The following SGCZ variants were observed in gnomAD, a reference collection of about 807,000 sequenced individuals.
The protein encoded by SGCZ is zeta-sarcoglycan.
SGCZ carries 40 observed loss-of-function variants against 41.3 expected under a neutral mutation model. That is an observed-to-expected ratio of 0.97 (90% CI 0.75 to 1.26). The LOEUF (loss-of-function observed/expected upper bound fraction) is 1.26, where lower values mean the gene tolerates loss of function less well. Among genes scored for constraint, SGCZ ranks in the 50% most tolerant of loss-of-function variants. The probability of loss-of-function intolerance (pLI) is 0.00; values close to 1 mark genes in which losing one functional copy is unlikely to be tolerated. For missense variants in SGCZ, 552 were observed against 369.8 expected (o/e 1.49, Z -4.04); for synonymous variants, 206 against 137.5 (o/e 1.50, Z -3.49).
chr8:15,076,791 C>T (rs562596754), intron 1 of SGCZ, among the ~76,000 whole-genome samples: 1 of 149,094 alleles, frequency 6.7e-6, no homozygotes, highest in Non-Finnish European at 1.5e-5. Context: ...TTTCTCTGCA[C>T]ACCGCCTCCC....
intron 1 of SGCZ, among the ~76,000 whole-genome samples, chr8:14,738,459 T>C (rs1041642066): frequency 9.9e-5 from 15 of 152,136 alleles, no homozygotes; most frequent in African/African-American, 3.6e-4. Context: ...AAAAAGTTTT[T>C]AATTTTTCTT....
At chr8:14,293,701 T>C (rs1231820860) in intron 3 of SGCZ, among the ~76,000 whole-genome samples, 1 of 151,936 alleles carries the variant, frequency 6.6e-6, no homozygotes, top group Admixed American at 6.6e-5. Flanking sequence ...CATGAAATTA[T>C]GTTAAATTAC....
chr8:14,981,249 C>T (rs1024231014), intron 1 of SGCZ, among the ~76,000 whole-genome samples: 2 of 152,186 alleles, frequency 1.3e-5, no homozygotes, highest in African/African-American at 4.8e-5. Flanking sequence ...ATTAACTCAG[C>T]TTTAAAGTAA....
intron 1 of SGCZ, among the ~76,000 whole-genome samples, chr8:14,970,046 TAC>T (rs1424940592): frequency 1.3e-5 from 2 of 152,154 alleles, no homozygotes; most frequent in East Asian, 1.9e-4. Context: ...GTCATTCTCA[TAC>T]AGTCATTTTA....
chr8:15,064,983 C>T (rs1201093969), intron 1 of SGCZ, among the ~76,000 whole-genome samples: 1 of 152,100 alleles, frequency 6.6e-6, no homozygotes, highest in Non-Finnish European at 1.5e-5. Context: ...TCCAGAGCCT[C>T]CATCCCAAGT....
chr8:14,762,759 T>A (rs548967847), intron 1 of SGCZ, among the ~76,000 whole-genome samples: 1 of 152,366 alleles, frequency 6.6e-6, no homozygotes, highest in South Asian at 2.1e-4. Flanking sequence ...CACGTTGATC[T>A]TTTTATAAAT....
At chr8:15,064,585 A>C (rs1805056475) in intron 1 of SGCZ, among the ~76,000 whole-genome samples, 1 of 151,660 alleles carries the variant, frequency 6.6e-6, no homozygotes, top group Non-Finnish European at 1.5e-5. Context: ...GGAAGAACTG[A>C]AGTTTCAGCC....
intron 1 of SGCZ, among the ~76,000 whole-genome samples, chr8:14,785,081 G>A (rs1800726590): frequency 6.7e-6 from 1 of 149,174 alleles, no homozygotes; most frequent in Non-Finnish European, 1.5e-5. Context: ...AAGAAAATTA[G>A]TAATAAATAC....
chr8:15,035,629 C>G (rs1256428037), intron 1 of SGCZ, among the ~76,000 whole-genome samples: 1 of 151,914 alleles, frequency 6.6e-6, no homozygotes, highest in Non-Finnish European at 1.5e-5. Flanking sequence ...GACACACAGA[C>G]TAAAGTAAAG....
intron 1 of SGCZ, among the ~76,000 whole-genome samples, chr8:14,866,609 A>G (rs1401773974): frequency 1.3e-5 from 2 of 151,950 alleles, no homozygotes; most frequent in Non-Finnish European, 2.9e-5. Context: ...CAGGAGTTTG[A>G]GACCAGCCTG....
chr8:15,167,694 G>A (rs1227357071), intron 1 of SGCZ, among the ~76,000 whole-genome samples: 1 of 149,274 alleles, frequency 6.7e-6, no homozygotes, highest in African/African-American at 2.5e-5. Context: ...AAAAAATACG[G>A]TCTAGAGAGA....
intron 1 of SGCZ, among the ~76,000 whole-genome samples, chr8:14,835,837 G>C (rs1563303877): frequency 6.6e-6 from 1 of 152,076 alleles, no homozygotes; most frequent in Non-Finnish European, 1.5e-5. Context: ...GTTTTCAGTA[G>C]AAACAATCAT....
At chr8:14,765,583 A>G (rs1385281712) in intron 1 of SGCZ, among the ~76,000 whole-genome samples, 5 of 152,238 alleles carry the variant, frequency 3.3e-5, no homozygotes, top group African/African-American at 1.2e-4. Context: ...GGATGAATAT[A>G]TTAGCCTTCC....
chr8:14,916,851 G>A (rs1285396640), intron 1 of SGCZ, among the ~76,000 whole-genome samples: 1 of 151,938 alleles, frequency 6.6e-6, no homozygotes, highest in Non-Finnish European at 1.5e-5. Flanking sequence ...TAGACGCATA[G>A]TTATTTTTTA....
In SGCZ at chr8:14,685,799, A is replaced by G. The variant is rs144524994; in HGVS notation, c.40-130873T>C. 3.0e-3 allele frequency among the ~76,000 whole-genome samples: 450 copies of G among 152,258 alleles called. 4 individuals carry two copies. Among genetic ancestry groups the G allele is most frequent in the African/African-American group, 0.01 (431 of 41,562 alleles). ...CAGATGAACACACAGCTGTTAGGAA[A>G]AAAACCTCGACAAGTTAACAATTCT... On this transcript the variant is annotated intron_variant, in intron 1 of 7. Coordinates refer to ENST00000382080, the MANE Select transcript of SGCZ (RefSeq NM_139167.4).
intron 2 of SGCZ, among the ~76,000 whole-genome samples, chr8:14,471,047 A>G (rs1014671589): frequency 5.9e-5 from 9 of 152,134 alleles, no homozygotes; most frequent in African/African-American, 1.9e-4. Flanking sequence ...AATACTTTGG[A>G]AAAAAACACA....
chr8:14,995,950 G>A (rs976788582), intron 1 of SGCZ, among the ~76,000 whole-genome samples: 8 of 151,906 alleles, frequency 5.3e-5, no homozygotes, highest in Non-Finnish European at 1.0e-4. Flanking sequence ...GTTGTCCGGG[G>A]TGGAGTGCAG....
At chr8:14,660,150 T>G (rs901112852) in intron 1 of SGCZ, among the ~76,000 whole-genome samples, 1 of 152,176 alleles carries the variant, frequency 6.6e-6, no homozygotes, top group African/African-American at 2.4e-5. Context: ...TGCAGTGTAT[T>G]GCCAGAATAC....
At position 14,875,036 on chromosome 8, in the gene SGCZ, G is replaced by A. The variant is rs562435800; in HGVS notation, c.40-320110C>T. Among the ~76,000 whole-genome samples the A allele has an allele frequency of 1.3e-5, 2 of 152,282 alleles. 1 individual carries two copies. Among genetic ancestry groups the A allele is most frequent in the Non-Finnish European group, 2.9e-5 (2 of 68,020 alleles). ...CAAGCATAAAAGGGTATCTTTGTCT[G>A]TGTGTATTGCTATAACAAATGGAGA... On this transcript the variant is annotated intron_variant, in intron 1 of 7. Transcript: ENST00000382080.
Sources: allele counts gnomAD v4.1 joint callset (sites outside exome capture counted in the v4.1 genomes callset), GRCh38; gene constraint gnomAD v4.1.1; transcripts MANE v1.5; gene names NCBI Gene and HGNC (gene_info 2026-07-23, HGNC 2026-07-21).